Variants in MSRA observed in about 807,000 individuals in gnomAD.
MSRA encodes the protein methionine sulfoxide reductase A.
MSRA carries 54 observed loss-of-function variants against 31.3 expected under a neutral mutation model. That is an observed-to-expected ratio of 1.73 (90% CI 1.39 to 2.17). The LOEUF (loss-of-function observed/expected upper bound fraction) is 2.17, where lower values mean the gene tolerates loss of function less well. Among genes scored for constraint, MSRA ranks in the 30% most tolerant of loss-of-function variants. The pLI, the probability that MSRA is intolerant of heterozygous loss-of-function variation, is 0.00. For missense variants in MSRA, 507 were observed against 300.9 expected, an observed-to-expected ratio of 1.69 and a Z score of -5.07; for synonymous variants, 169 against 116.5, an observed-to-expected ratio of 1.45 and a Z score of -2.90.
chr8:10,216,043 T>G (rs1185445990), intron 2 of MSRA, among the ~76,000 whole-genome samples: 1 of 152,172 alleles, frequency 6.6e-6, no homozygotes, highest in Non-Finnish European at 1.5e-5. Context: ...AAGTTACTCA[T>G]TATTAAATTT....
At chr8:10,303,217 C>T (rs765899458) in intron 4 of MSRA, among the ~76,000 whole-genome samples, 3 of 152,208 alleles carry the variant, frequency 2.0e-5, no homozygotes, top group Admixed American at 6.5e-5. Flanking sequence ...TGCAATGCCA[C>T]GTCCTGATAG....
chr8:10,233,723 G>A (rs1811694460), intron 2 of MSRA, among the ~76,000 whole-genome samples: 1 of 152,186 alleles, frequency 6.6e-6, no homozygotes, highest in Admixed American at 6.5e-5. Flanking sequence ...ACATGTAAAG[G>A]GAGTTCTGGA....
chr8:10,166,106 G>A (rs1805097802), intron 1 of MSRA, among the ~76,000 whole-genome samples: 1 of 152,188 alleles, frequency 6.6e-6, no homozygotes, highest in Non-Finnish European at 1.5e-5. Flanking sequence ...AGGTGTGTGA[G>A]CAGCAGTGAT....
chr8:10,302,531 A>G (rs1386431730), intron 4 of MSRA, among the ~76,000 whole-genome samples: 1 of 152,216 alleles, frequency 6.6e-6, no homozygotes, highest in East Asian at 1.9e-4. Context: ...CCAAATGTAA[A>G]TTGTGCTTCA....
intron 1 of MSRA, among the ~76,000 whole-genome samples, chr8:10,130,493 G>C (rs1328873223): frequency 1.3e-5 from 2 of 152,170 alleles, no homozygotes; most frequent in Admixed American, 6.5e-5. Context: ...TGAAATAAGA[G>C]TTGTTGCTGC....
At chr8:10,401,104 TA>T (rs61080777) in intron 5 of MSRA, among the ~76,000 whole-genome samples, 19 of 150,260 alleles carry the variant, frequency 1.3e-4, no homozygotes, top group African/African-American at 4.6e-4. Context: ...ATCAAGAATA[TA>T]AAAAAAAACA....
chr8:10,284,138 A>C (rs1799806466), intron 3 of MSRA, among the ~76,000 whole-genome samples: 1 of 151,950 alleles, frequency 6.6e-6, no homozygotes, highest in Non-Finnish European at 1.5e-5. Flanking sequence ...GCTTTTCTTG[A>C]GGGATAATTG....
intron 1 of MSRA, among the ~76,000 whole-genome samples, chr8:10,123,045 C>A (rs185953625): frequency 5.9e-5 from 9 of 152,278 alleles, no homozygotes; most frequent in Admixed American, 5.9e-4. Context: ...GGAGTATATA[C>A]CCAATAATGG....
At chr8:10,405,267 A>G (rs1001681142) in intron 5 of MSRA, among the ~76,000 whole-genome samples, 1 of 151,892 alleles carries the variant, frequency 6.6e-6, no homozygotes, top group South Asian at 2.1e-4. Flanking sequence ...CTGCAGGATC[A>G]GAGTATTGCC....
chr8:10,166,754 C>G (rs1563173243), intron 1 of MSRA, among the ~76,000 whole-genome samples: 1 of 152,240 alleles, frequency 6.6e-6, no homozygotes, highest in Non-Finnish European at 1.5e-5. Context: ...TGGGCCCTTG[C>G]TTGTTGGTGG....
chr8:10,247,086 G>C (rs890390213), intron 3 of MSRA, among the ~76,000 whole-genome samples: 1 of 152,198 alleles, frequency 6.6e-6, no homozygotes, highest in African/African-American at 2.4e-5. Context: ...TTCCTTGTTT[G>C]CTCGAACCCT....
chr8:10,381,188 A>G (rs1585633985), intron 5 of MSRA, among the ~76,000 whole-genome samples: 1 of 152,016 alleles, frequency 6.6e-6, no homozygotes, highest in Non-Finnish European at 1.5e-5. Context: ...TCTACCTAAC[A>G]CAGCCTTTTC....
At chr8:10,255,549 G>A (rs1452374355) in intron 3 of MSRA, among the ~76,000 whole-genome samples, 2 of 152,172 alleles carry the variant, frequency 1.3e-5, no homozygotes, top group Non-Finnish European at 2.9e-5. Context: ...CCTGTCAGCA[G>A]ACCTGCTTGG....
intron 3 of MSRA, among the ~76,000 whole-genome samples, chr8:10,253,971 C>A (rs1046666894): frequency 6.6e-6 from 1 of 152,024 alleles, no homozygotes; most frequent in Non-Finnish European, 1.5e-5. Context: ...AGTGAAGCAC[C>A]CAGACGTGAG....
chr8:10,295,697 C>G (rs1800500150), intron 3 of MSRA, among the ~76,000 whole-genome samples: 1 of 152,228 alleles, frequency 6.6e-6, no homozygotes, highest in Non-Finnish European at 1.5e-5. Flanking sequence ...GTGTCCCAGC[C>G]TGTGGTCACT....
In MSRA at chr8:10,078,761, T is replaced by G. The variant is rs1230361381; in HGVS notation, c.142+24103T>G. 2.0e-5 allele frequency among the ~76,000 whole-genome samples: 3 copies of G among 152,356 alleles called. No homozygotes were observed. The East Asian group carries it at 5.8e-4, about 29-fold the overall frequency. Reference sequence around the variant, plus strand: ...TTCAGTCTTCAGCGTTTCCTTGGATTCTTTGACCAAAAACAACCAGTCTAT... The same window carrying G: ...TTCAGTCTTCAGCGTTTCCTTGGATGCTTTGACCAAAAACAACCAGTCTAT... On this transcript the variant is annotated intron_variant, in intron 1 of 5. Coordinates refer to ENST00000317173, the MANE Select transcript of MSRA (RefSeq NM_012331.5).
intron 1 of MSRA, among the ~76,000 whole-genome samples, chr8:10,163,626 G>C (rs1456868154): frequency 6.6e-6 from 1 of 152,234 alleles, no homozygotes; most frequent in Non-Finnish European, 1.5e-5. Context: ...GATGAAATGT[G>C]AAATCAGTAT....
intron 1 of MSRA, among the ~76,000 whole-genome samples, chr8:10,165,049 G>A (rs909902699): frequency 1.3e-5 from 2 of 152,066 alleles, no homozygotes; most frequent in Non-Finnish European, 2.9e-5. Flanking sequence ...TTGATGTCTG[G>A]GCTGCATCCT....
At chr8:10,091,259 A>G (rs1172887347) in intron 1 of MSRA, among the ~76,000 whole-genome samples, 2 of 152,198 alleles carry the variant, frequency 1.3e-5, no homozygotes, top group African/African-American at 2.4e-5. Flanking sequence ...ACTTATGTTC[A>G]TTATTCACAT....
Sources: allele counts gnomAD v4.1 joint callset (sites outside exome capture counted in the v4.1 genomes callset), GRCh38; gene constraint gnomAD v4.1.1; transcripts MANE v1.5; gene names NCBI Gene and HGNC (gene_info 2026-07-23, HGNC 2026-07-21).